RIF1: variants seen among roughly 807,000 people sequenced by gnomAD.
RIF1 encodes the protein telomere-associated protein RIF1.
In RIF1, 45 loss-of-function variants were observed where a neutral mutation model predicts 247.1. That is an observed-to-expected ratio of 0.18 (90% CI 0.14 to 0.23). RIF1 has a LOEUF of 0.23. Among genes scored for constraint, RIF1 ranks in the 10% least tolerant of loss-of-function variants. The pLI is 1.00. For missense variants in RIF1, 2,967 were observed against 2,862.5 expected (o/e 1.04, Z -0.83); for synonymous variants, 1,087 against 978.8 (o/e 1.11, Z -2.06).
chr2:151,509,348 G>A (rs1416754489), downstream of RIF1, among the ~76,000 whole-genome samples: 1 of 151,934 alleles, frequency 6.6e-6, no homozygotes, highest in Non-Finnish European at 1.5e-5. Context: ...CATTGTCCTG[G>A]GAAAAGAATA....
At chr2:151,497,861 A>G in intron 10 of RIF1, 1 of 1,510,946 alleles carries the variant, frequency 6.6e-7, no homozygotes, top group Non-Finnish European at 8.8e-7. Flanking sequence ...CTTTAGTGGA[A>G]GCTGTTGTTG....
At chr2:151,532,179 C>T in the RIF1 span, 2 of 252,162 alleles carry the variant, frequency 7.9e-6, no homozygotes, top group African/African-American at 4.5e-5. Flanking sequence ...TCACTGCAAC[C>T]TCCACCTCCC....
chr2:151,453,673 A>T (rs1694732909), intron 21 of RIF1, among the ~76,000 whole-genome samples: 1 of 151,768 alleles, frequency 6.6e-6, no homozygotes. Context: ...TTCAGGGTCC[A>T]TTCATTACTG....
chr2:151,508,070 A>G, downstream of RIF1: 1 of 1,610,790 alleles, frequency 6.2e-7, no homozygotes, highest in African/African-American at 1.3e-5. Flanking sequence ...ACAGTCTCAT[A>G]ATACGACATG....
intron 11 of RIF1, chr2:151,501,605 T>C (rs2064625446): frequency 2.0e-6 from 1 of 490,974 alleles, no homozygotes; most frequent in Non-Finnish European, 3.6e-6. Context: ...AGTACCTCAG[T>C]AACTTTTAAA....
rs755513168 is a variant in RIF1, at chr2:151,460,124, GTTTT to G, written c.3075+6_3075+9del. Reference sequence around the variant, plus strand: ...AATATGAAACCAGCAGCCAAAGTATGTTTTCAAAAGTTTAATCAAAAATTTTAAG... The same window carrying G: ...AATATGAAACCAGCAGCCAAAGTATGCAAAAGTTTAATCAAAAATTTTAAG... On this transcript the variant is annotated splice_donor_region_variant and intron_variant, in intron 26 of 35. Transcript: ENST00000444746. 6.6e-7 allele frequency: 1 copy of G among 1,520,294 alleles called. No homozygotes were observed. The highest frequency in any genetic ancestry group is 8.9e-7 in the Non-Finnish European group (1 of 1,125,690). 94.2% of individuals were successfully genotyped at this position (1,520,294 alleles called of 1,614,324 possible). A position where few individuals can be genotyped will look rare whatever the true frequency, so the allele number is the denominator to read the frequency against.
At chr2:151,491,481 G>A (rs562516214) in intron 9 of RIF1, 5 of 475,398 alleles carry the variant, frequency 1.1e-5, no homozygotes, top group African/African-American at 9.8e-5. Flanking sequence ...CACTGAGGCA[G>A]TGAAACAAAA....
In RIF1 at chr2:151,423,057, A is replaced by C. The variant is rs753340226; in HGVS notation, c.786+15A>C. 12 of 1,380,176 alleles carry C rather than the reference A, an allele frequency of 8.7e-6. No individual in the cohort carries two copies. The highest frequency in any genetic ancestry group is 1.2e-5 in the Non-Finnish European group (12 of 970,868). 85.5% of individuals were successfully genotyped at this position (1,380,176 alleles called of 1,614,324 possible). A position where few individuals can be genotyped will look rare whatever the true frequency, so the allele number is the denominator to read the frequency against. ...TACTTGGAAGGGTAAGTGCCCAGTTAATGAACAGTCAACAGTTTTTACATG... is the reference window on the plus strand; with the variant it reads ...TACTTGGAAGGGTAAGTGCCCAGTTCATGAACAGTCAACAGTTTTTACATG... On this transcript the variant is annotated intron_variant, in intron 8 of 35. Transcript: ENST00000444746.
intron 8 of RIF1, among the ~76,000 whole-genome samples, chr2:151,426,560 G>A (rs185577232): frequency 6.1e-4 from 93 of 152,138 alleles, no homozygotes; most frequent in Admixed American, 3.4e-3. Flanking sequence ...TCATGGTAGG[G>A]ATTGTGATGA....
downstream of RIF1, among the ~76,000 whole-genome samples, chr2:151,511,411 G>T (rs868482104): frequency 7.2e-5 from 11 of 152,030 alleles, no homozygotes; most frequent in Non-Finnish European, 1.3e-4. Context: ...TCCAGTAAAG[G>T]GTTGAAATCC....
At chr2:151,515,793 T>C in the RIF1 span, among the ~76,000 whole-genome samples, 7 of 152,242 alleles carry the variant, frequency 4.6e-5, no homozygotes, top group Non-Finnish European at 8.8e-5. Flanking sequence ...TTTTAAAGTT[T>C]TGATGACCTG....
intron 34 of RIF1, among the ~76,000 whole-genome samples, chr2:151,470,126 ACATCTACCAAAAC>A (rs1269820069): frequency 2.6e-5 from 4 of 152,086 alleles, no homozygotes; most frequent in Non-Finnish European, 4.4e-5. Flanking sequence ...TCAAATCCAA[ACATCTACCAAAAC>A]CATACAGATT....
chr2:151,438,074 C>T (rs948195348), intron 13 of RIF1, among the ~76,000 whole-genome samples: 1 of 152,090 alleles, frequency 6.6e-6, no homozygotes, highest in Admixed American at 6.5e-5. Context: ...ACAATCTCTG[C>T]CCCAAAAGTA....
the RIF1 span, chr2:151,530,611 G>T: frequency 6.0e-6 from 1 of 167,456 alleles, no homozygotes; most frequent in Non-Finnish European, 1.3e-5. Flanking sequence ...CAGTACCTCA[G>T]GATATGTTTA....
In RIF1 at chr2:151,463,491, T is replaced by C; in HGVS notation, c.3971T>C (p.Leu1324Ser). 6.2e-7 allele frequency: 1 copy of C among 1,614,096 alleles called. No homozygotes were observed. The highest frequency in any genetic ancestry group is 1.1e-5 in the South Asian group (1 of 91,082). ...TEESVEGIVV[L>S]ENNPPGLLNQ... ...GAATCTGTTGAAGGCATTGTAGTCT[T>C]AGAAAATAACCCACCTGGTTTGCTT... Residue 1324 changes from leucine to serine, a missense_variant, in exon 30 of 36, where the codon TTA becomes TCA. Leu to Ser is a moderately radical substitution (Grantham distance 145, BLOSUM62 -2). This residue lies in a region of RIF1 where 2,028 missense variants were observed against 1,825.6 expected (regional missense o/e 1.11). Transcript: ENST00000444746.
In RIF1 at chr2:151,466,057, G is replaced by A. The variant is rs1395914627; in HGVS notation, c.6537G>A (p.Thr2179=). 3.0e-5 allele frequency: 49 copies of A among 1,611,814 alleles called. No homozygotes were observed. In the East Asian group the frequency reaches 7.8e-4, roughly 26 times the overall value. ...CVWSPLASPS[T]SILKRGLKRS... The stretch of plus-strand genomic sequence containing the variant: ...GGTCTCCTTTGGCTTCTCCGTCTAC[G>A]AGCATTTTAAAGAGAGGACTAAAAA... The change falls in exon 30 of 36, where the codon ACG becomes ACA. Residue 2179 remains threonine, a synonymous_variant. Coordinates refer to ENST00000444746, the MANE Select transcript of RIF1 (RefSeq NM_018151.5).
rs1558956371 is a variant in RIF1 at position 151,431,793 on chromosome 2, GAAT to G, written c.926-1283_926-1281del. Among the ~76,000 whole-genome samples, 339 of 151,900 alleles carry G rather than the reference GAAT, an allele frequency of 2.2e-3. 1 individual carries two copies. The highest frequency in any genetic ancestry group is 7.8e-3 in the African/African-American group (323 of 41,440). On this transcript the variant is annotated intron_variant, in intron 9 of 35. Transcript: ENST00000444746. Reference sequence around the variant, plus strand: ...AACTTCCGTCTCTGAATGAATGAATGAATGAATGAATGAATGAATGAACAAAAA... The same window carrying G: ...AACTTCCGTCTCTGAATGAATGAATGGAATGAATGAATGAATGAACAAAAA...
intron 23 of RIF1, 136 bp from the exon 24 acceptor site, chr2:151,457,625 A>G (rs1295833674): frequency 1.6e-6 from 1 of 612,428 alleles, no homozygotes; most frequent in African/African-American, 1.8e-5. Context: ...GTCGAGTTAT[A>G]AAGAGGGATA....
chr2:151,416,779 A>G, intron 5 of RIF1, 28 bp from the exon 6 acceptor site: 1 of 1,601,358 alleles, frequency 6.2e-7, no homozygotes, highest in Non-Finnish European at 8.5e-7. Context: ...GGCTTATTTC[A>G]TTTGTATTTA....
Sources: gnomAD v4.1 joint callset for allele counts (sites outside exome capture counted in the v4.1 genomes callset) on GRCh38, gnomAD v4.1.1 for gene constraint, gnomAD v4.1.1 regional missense constraint, MANE v1.5 for transcripts, NCBI Gene and HGNC (gene_info 2026-07-23, HGNC 2026-07-21) for gene names.